The following WDR41 variants were observed in gnomAD, a reference collection of about 807,000 sequenced individuals.
The protein encoded by WDR41 is WD repeat-containing protein 41.
WDR41 carries 63 observed loss-of-function variants against 69.3 expected under a neutral mutation model. The observed-to-expected ratio is 0.91, with a 90% CI of 0.74 to 1.12. The LOEUF (loss-of-function observed/expected upper bound fraction) is 1.12, where lower values mean the gene tolerates loss of function less well. Among genes scored for constraint, WDR41 ranks in the 50% most tolerant of loss-of-function variants. The pLI, the probability that WDR41 is intolerant of heterozygous loss-of-function variation, is 0.00. For missense variants in WDR41, 543 were observed against 534.5 expected (o/e 1.02, Z -0.16); for synonymous variants, 185 against 192.1 (o/e 0.96, Z 0.31).
chr5:77,545,383 A>G (rs11746284), intron 1 of WDR41: 36,061 of 155,822 alleles, frequency 0.23, 4,977 homozygotes, highest in Non-Finnish European at 0.31. Flanking sequence ...TCTTCAAGAA[A>G]ACACCGAGTG....
intron 1 of WDR41, among the ~76,000 whole-genome samples, chr5:77,570,808 T>G (rs1288814220): frequency 6.6e-6 from 1 of 151,944 alleles, no homozygotes; most frequent in Non-Finnish European, 1.5e-5. Context: ...ACATCTTCCT[T>G]AGTCATCCAT....
At chr5:77,469,306 C>A (rs561041783) in intron 2 of WDR41, among the ~76,000 whole-genome samples, 30 of 152,030 alleles carry the variant, frequency 2.0e-4, no homozygotes, top group Admixed American at 1.4e-3. Context: ...ATGAGTTAAT[C>A]GGTGCAGCAC....
chr5:77,469,787 C>T (rs1176228670), intron 2 of WDR41, among the ~76,000 whole-genome samples: 3 of 151,850 alleles, frequency 2.0e-5, no homozygotes, highest in African/African-American at 7.3e-5. Flanking sequence ...GTGAAAAGAC[C>T]AAATCTACGT....
At chr5:77,541,487 C>CTTTTTTTTTTTTTTTTTTTTTTTTT (rs11335010) in intron 1 of WDR41, among the ~76,000 whole-genome samples, 1 of 97,828 alleles carries the variant, frequency 1.0e-5, no homozygotes, top group Non-Finnish European at 2.0e-5. Context: ...AAAAGGAATT[C>CTTTTTTTTTTTTTTTTTTTTTTTTT]TTTTTTTTTT....
At chr5:77,602,338 C>T (rs1744338241) in intron 1 of WDR41, among the ~76,000 whole-genome samples, 1 of 152,112 alleles carries the variant, frequency 6.6e-6, no homozygotes. Flanking sequence ...CGGGGTTTCT[C>T]TATGCTGGTC....
chr5:77,526,819 T>C (rs926922739), intron 1 of WDR41, among the ~76,000 whole-genome samples: 8 of 152,142 alleles, frequency 5.3e-5, no homozygotes, highest in African/African-American at 1.9e-4. Context: ...TATAATTCAA[T>C]AAATCTAGAT....
intron 6 of WDR41, chr5:77,452,446 G>C (rs1401894180): frequency 6.6e-6 from 1 of 152,234 alleles, no homozygotes; most frequent in Non-Finnish European, 1.5e-5. Flanking sequence ...AAAGGACACG[G>C]ATGCCCTGTG....
At chr5:77,546,458 A>T (rs920325357) in intron 1 of WDR41, among the ~76,000 whole-genome samples, 12 of 152,164 alleles carry the variant, frequency 7.9e-5, no homozygotes, top group Non-Finnish European at 1.6e-4. Flanking sequence ...ACACCACAGA[A>T]ATACAAAAGA....
Position 77,593,509 on chromosome 5 carries a change from A to G in WDR41, c.42+26970T>C, listed in dbSNP as rs537419641. Among the ~76,000 whole-genome samples the G allele has an allele frequency of 2.0e-5, 3 of 152,342 alleles. No individual in the cohort carries two copies. The South Asian group carries it at 6.2e-4, about 32-fold the overall frequency. ...AAATCCATATAATGGAATATGATAC[A>G]GTCATTATAAATAATATAAAATAAT... On this transcript the variant is annotated intron_variant, in intron 1 of 5. Transcript: ENST00000509971.
intron 1 of WDR41, among the ~76,000 whole-genome samples, chr5:77,539,464 T>C (rs1462181310): frequency 6.6e-6 from 1 of 152,136 alleles, no homozygotes; most frequent in Non-Finnish European, 1.5e-5. Flanking sequence ...GTGGGGCTGA[T>C]TCTGCCTTTC....
At chr5:77,482,580 T>C (rs1320493105) in intron 2 of WDR41, among the ~76,000 whole-genome samples, 3 of 152,136 alleles carry the variant, frequency 2.0e-5, no homozygotes, top group Admixed American at 2.0e-4. Context: ...TGTTAATTGA[T>C]AGTTAAATCT....
At chr5:77,525,845 A>G (rs904220221) in intron 1 of WDR41, among the ~76,000 whole-genome samples, 5 of 152,294 alleles carry the variant, frequency 3.3e-5, no homozygotes, top group Middle Eastern at 3.4e-3. Flanking sequence ...GGAGAGGTGT[A>G]AAGATAGTGC....
intron 1 of WDR41, among the ~76,000 whole-genome samples, chr5:77,579,305 T>C (rs752541915): frequency 6.6e-6 from 1 of 152,106 alleles, no homozygotes; most frequent in Non-Finnish European, 1.5e-5. Flanking sequence ...AGAAGTACAA[T>C]GATTCCAAGT....
At chr5:77,537,035 CA>C (rs1196934818) in intron 1 of WDR41, among the ~76,000 whole-genome samples, 2 of 152,146 alleles carry the variant, frequency 1.3e-5, no homozygotes, top group Non-Finnish European at 2.9e-5. Context: ...AGGTGCTATT[CA>C]AAAATTTGAT....
chr5:77,585,950 T>G (rs776379996), intron 1 of WDR41, among the ~76,000 whole-genome samples: 2 of 152,172 alleles, frequency 1.3e-5, no homozygotes, highest in Non-Finnish European at 2.9e-5. Context: ...ATACCACCTG[T>G]ACCCCAATAA....
At chr5:77,476,229 A>G (rs1336954744) in intron 2 of WDR41, among the ~76,000 whole-genome samples, 1 of 152,194 alleles carries the variant, frequency 6.6e-6, no homozygotes, top group African/African-American at 2.4e-5. Context: ...GAAGAATGGA[A>G]CCAAACTGGA....
At chr5:77,472,460 A>G (rs1800669871) in intron 2 of WDR41, among the ~76,000 whole-genome samples, 1 of 151,244 alleles carries the variant, frequency 6.6e-6, no homozygotes, top group South Asian at 2.1e-4. Context: ...AGGGTATTCA[A>G]TTAGGAAAAG....
At chr5:77,463,613 G>T in intron 3 of WDR41, among the ~76,000 whole-genome samples, 1 of 152,114 alleles carries the variant, frequency 6.6e-6, no homozygotes, top group African/African-American at 2.4e-5. Flanking sequence ...GGTCATAGAA[G>T]AAAATAAAAG....
At chr5:77,586,954 G>T (rs1488521349) in intron 1 of WDR41, among the ~76,000 whole-genome samples, 3 of 151,750 alleles carry the variant, frequency 2.0e-5, no homozygotes, top group Non-Finnish European at 4.4e-5. Flanking sequence ...TCCTGACCTT[G>T]TGATCCGCCT....
Sources: allele counts gnomAD v4.1 joint callset (sites outside exome capture counted in the v4.1 genomes callset), GRCh38; gene constraint gnomAD v4.1.1; transcripts MANE v1.5; gene names NCBI Gene and HGNC (gene_info 2026-07-23, HGNC 2026-07-21).